The following FAM227B variants were observed in gnomAD, a reference collection of about 807,000 sequenced individuals.
FAM227B encodes protein FAM227B.
In FAM227B, 88 loss-of-function variants were observed where a neutral mutation model predicts 73.8. The observed-to-expected ratio is 1.19, with a 90% CI of 1.00 to 1.42. The LOEUF (loss-of-function observed/expected upper bound fraction) is 1.42, where lower values mean the gene tolerates loss of function less well. Ranked by LOEUF, FAM227B falls within the 40% of genes most tolerant of loss-of-function variation. The pLI, the probability that FAM227B is intolerant of heterozygous loss-of-function variation, is 0.00. For synonymous variants in FAM227B, 210 were observed against 190.5 expected (o/e 1.10, Z -0.84); for missense variants, 632 against 590.9 (o/e 1.07, Z -0.72).
chr15:49,329,805 G>GT (rs917202037), intron 15 of FAM227B: 8 of 641,268 alleles, frequency 1.2e-5, no homozygotes, highest in African/African-American at 2.3e-5. Context: ...CTGGATCAGT[G>GT]TAAAAAAAAA....
intron 11 of FAM227B, among the ~76,000 whole-genome samples, chr15:49,440,939 A>G (rs1023452739): frequency 6.6e-6 from 1 of 151,796 alleles, no homozygotes; most frequent in Non-Finnish European, 1.5e-5. Context: ...TTTAGATGGA[A>G]AAAACTGTAA....
intron 3 of FAM227B, among the ~76,000 whole-genome samples, chr15:49,601,631 T>G (rs180839291): frequency 7.5e-4 from 115 of 152,360 alleles, no homozygotes; most frequent in African/African-American, 2.6e-3. Flanking sequence ...TTATCCTATG[T>G]GTCACAAATA....
At chr15:49,480,563 C>T (rs1002489468) in intron 11 of FAM227B, among the ~76,000 whole-genome samples, 17 of 149,008 alleles carry the variant, frequency 1.1e-4, no homozygotes, top group African/African-American at 4.2e-4. Context: ...CTCACTGCAG[C>T]CTCCGCCTTC....
At chr15:49,549,551 C>G (rs1483527155) in intron 9 of FAM227B, among the ~76,000 whole-genome samples, 1 of 151,998 alleles carries the variant, frequency 6.6e-6, no homozygotes, top group Admixed American at 6.5e-5. Flanking sequence ...ATGCTGCCCT[C>G]AAGCATCTGT....
chr15:49,337,898 C>A (rs985757121), intron 13 of FAM227B, among the ~76,000 whole-genome samples: 1 of 152,150 alleles, frequency 6.6e-6, no homozygotes, highest in African/African-American at 2.4e-5. Flanking sequence ...TTTATCCAGT[C>A]TATCACTGAT....
chr15:49,361,984 C>G (rs1331420124), intron 13 of FAM227B, among the ~76,000 whole-genome samples: 1 of 152,090 alleles, frequency 6.6e-6, no homozygotes, highest in African/African-American at 2.4e-5. Flanking sequence ...ATTTGCATTT[C>G]TCTTATGATT....
chr15:49,587,036 T>G (rs566573994), intron 5 of FAM227B, among the ~76,000 whole-genome samples: 1 of 152,174 alleles, frequency 6.6e-6, no homozygotes, highest in South Asian at 2.1e-4. Context: ...CAAATACATG[T>G]TCACTGCAGC....
At chr15:49,418,315 G>A (rs1276103386) in intron 11 of FAM227B, among the ~76,000 whole-genome samples, 2 of 152,102 alleles carry the variant, frequency 1.3e-5, no homozygotes, top group Non-Finnish European at 2.9e-5. Context: ...TACTGGGTAT[G>A]TACCCAAAGG....
chr15:49,516,799 T>C (rs2059407875), intron 10 of FAM227B, among the ~76,000 whole-genome samples: 2 of 152,100 alleles, frequency 1.3e-5, no homozygotes, highest in Admixed American at 1.3e-4. Context: ...GAAGACAGAA[T>C]TAAGTTTGCT....
At chr15:49,548,957 G>C (rs2072376539) in intron 9 of FAM227B, among the ~76,000 whole-genome samples, 1 of 152,038 alleles carries the variant, frequency 6.6e-6, no homozygotes, top group Non-Finnish European at 1.5e-5. Context: ...AAACAAACTT[G>C]TTTTATTAAT....
At chr15:49,449,333 A>T (rs2052510345) in intron 11 of FAM227B, among the ~76,000 whole-genome samples, 1 of 152,084 alleles carries the variant, frequency 6.6e-6, no homozygotes, top group African/African-American at 2.4e-5. Flanking sequence ...TTCTATACCT[A>T]CAAATTGTCC....
intron 11 of FAM227B, among the ~76,000 whole-genome samples, chr15:49,433,392 T>C (rs2151798480): frequency 6.6e-6 from 1 of 151,640 alleles, no homozygotes; most frequent in East Asian, 2.0e-4. Context: ...GTGTAAGAGG[T>C]GAAAGGGTAA....
chr15:49,443,150 A>G (rs1256503815), intron 11 of FAM227B, among the ~76,000 whole-genome samples: 4 of 151,810 alleles, frequency 2.6e-5, no homozygotes, highest in African/African-American at 9.6e-5. Flanking sequence ...CAATTGTTAA[A>G]TTTTCAAAAA....
intron 10 of FAM227B, among the ~76,000 whole-genome samples, chr15:49,516,926 T>A (rs1018952878): frequency 1.3e-5 from 2 of 152,114 alleles, no homozygotes; most frequent in African/African-American, 4.8e-5. Flanking sequence ...TGATGTGATA[T>A]GAGATCAGAC....
intron 9 of FAM227B, among the ~76,000 whole-genome samples, chr15:49,550,184 C>A (rs28652902): frequency 7.2e-6 from 1 of 139,228 alleles, no homozygotes; most frequent in Admixed American, 6.9e-5. Context: ...CCCTCCTGGA[C>A]GGGGTGGCTG....
At chr15:49,542,214 G>A (rs1366492952) in intron 9 of FAM227B, among the ~76,000 whole-genome samples, 1 of 152,146 alleles carries the variant, frequency 6.6e-6, no homozygotes, top group Non-Finnish European at 1.5e-5. Flanking sequence ...TTTGTGAACA[G>A]ATTATTTCTT....
chr15:49,535,577 C>T (rs1478192123), intron 10 of FAM227B, among the ~76,000 whole-genome samples: 3 of 151,810 alleles, frequency 2.0e-5, no homozygotes, highest in Non-Finnish European at 4.4e-5. Flanking sequence ...GTGAGATCAG[C>T]ATCACCTTCG....
In FAM227B at chr15:49,335,608, A is replaced by C. The variant is rs999913553; in HGVS notation, c.1272-112T>G. ...GTGTGACCTTCACTTTTCAGTAATG[A>C]AGAGTCTCAAGTATAAACATGAATA... On this transcript the variant is annotated intron_variant, in intron 13 of 15. Coordinates refer to ENST00000299338, the MANE Select transcript of FAM227B (RefSeq NM_152647.3). 5 of 665,666 alleles carry C rather than the reference A, an allele frequency of 7.5e-6. No individual in the cohort carries two copies. In the Admixed American group the frequency reaches 1.2e-4, roughly 16 times the overall value. 41.2% of individuals were successfully genotyped at this position (665,666 alleles called of 1,614,324 possible). A position where few individuals can be genotyped will look rare whatever the true frequency, so the allele number is the denominator to read the frequency against.
chr15:49,376,469 T>C (rs897141089), intron 11 of FAM227B, among the ~76,000 whole-genome samples: 4 of 152,094 alleles, frequency 2.6e-5, no homozygotes, highest in Admixed American at 6.5e-5. Context: ...GTCTATTTCA[T>C]TTACCTATAT....
Sources: allele counts gnomAD v4.1 joint callset (sites outside exome capture counted in the v4.1 genomes callset), GRCh38; gene constraint gnomAD v4.1.1; transcripts MANE v1.5; gene names NCBI Gene and HGNC (gene_info 2026-07-23, HGNC 2026-07-21).